The following OR2T27 variants were observed in gnomAD, a reference collection of about 807,000 sequenced individuals.
The protein encoded by OR2T27 is olfactory receptor 2T27.
For missense variants in OR2T27, 152 were observed against 397.2 expected (o/e 0.38, Z 5.25); for synonymous variants, 51 against 152.9 (o/e 0.33, Z 4.92).
chr1:248,655,307 G>C (rs1295353955), intron 1 of OR2T27, 137 bp downstream of exon 1: 5 of 137,046 alleles, frequency 3.6e-5, no homozygotes, highest in Non-Finnish European at 6.5e-5. Context: ...CCATCCACAA[G>C]TATCTGCAGT....
chr1:248,650,119 T>C lies in OR2T27; in HGVS notation c.766A>G (p.Met256Val), dbSNP rs762826484. 55 of 1,569,626 alleles carry C rather than the reference T, an allele frequency of 3.5e-5. 2 individuals carry two copies. In the Admixed American group the frequency reaches 6.9e-4, roughly 20 times the overall value. ...VVVSLFYGAA[M>V]YTYVLPHSYH... ...GAATGAGGCAGCACGTATGTGTACA[T>C]GGCAGCCCCATAGAAGAGGCTGACA... is the stretch of plus-strand genomic sequence containing the variant. Residue 256 changes from methionine to valine, a missense_variant, in exon 2 of 2, where the codon ATG becomes GTG. By Grantham distance (21) the Met-to-Val change is conservative (BLOSUM62 1). Coordinates refer to ENST00000460972, the MANE Select transcript of OR2T27 (RefSeq NM_001001824.2).
intron 1 of OR2T27, among the ~76,000 whole-genome samples, chr1:248,652,267 T>C (rs1424351801): frequency 6.6e-6 from 1 of 151,374 alleles, no homozygotes; most frequent in Non-Finnish European, 1.5e-5. Context: ...TCGTAAATTT[T>C]ACGTTTCCAA....
Position 248,649,899 on chromosome 1 carries a change from A to T in OR2T27, c.*32T>A. On this transcript the variant is annotated 3_prime_UTR_variant, in exon 2 of 2. Coordinates refer to ENST00000460972, the MANE Select transcript of OR2T27 (RefSeq NM_001001824.2). ...GCAATGATAAAGTCTTGTATCCTTCATTTCAAGTCTCTAGCAGCATATGAA... is the reference window on the plus strand; with the variant it reads ...GCAATGATAAAGTCTTGTATCCTTCTTTTCAAGTCTCTAGCAGCATATGAA... 1 of 1,391,578 alleles carries T rather than the reference A, an allele frequency of 7.2e-7. No individual in the cohort carries two copies. Among genetic ancestry groups the T allele is most frequent in the Non-Finnish European group, 9.8e-7 (1 of 1,016,774 alleles). 86.2% of individuals were successfully genotyped at this position (1,391,578 alleles called of 1,614,324 possible). A position where few individuals can be genotyped will look rare whatever the true frequency, so the allele number is the denominator to read the frequency against.
In OR2T27 at chr1:248,649,940, G is replaced by A. The variant is rs766496822; in HGVS notation, c.945C>T (p.Thr315=). ...AGCATATGAAATTTCTTTAGAAAGT[G>A]GTTACCTTTCCTGAGGACACACACC... ...VGRCVSSGKV[T]TF is the part of the protein sequence containing the mutation. Residue 315 remains threonine (T), a synonymous_variant, in exon 2 of 2, where the codon ACC becomes ACT. Coordinates refer to ENST00000460972, the MANE Select transcript of OR2T27 (RefSeq NM_001001824.2). The A allele has an allele frequency of 3.1e-5, 48 of 1,561,752 alleles. 4 individuals carry two copies. The highest frequency in any genetic ancestry group is 4.1e-5 in the Non-Finnish European group (47 of 1,140,782).
At position 248,655,243 on chromosome 1, in the gene OR2T27, A is replaced by G. The variant is rs546103008; in HGVS notation, c.-5+201T>C. ...CATTCTGATGTACAGAAAAGATAAG[A>G]GTCCATAACTACTAAGAAACGAGAT... is the stretch of plus-strand genomic sequence containing the variant. On this transcript the variant is annotated intron_variant, in intron 1 of 1. Transcript: ENST00000460972. 1.2e-4 allele frequency among the ~76,000 whole-genome samples: 15 copies of G among 120,550 alleles called. 2 individuals are homozygous for G. The highest frequency in any genetic ancestry group is 4.0e-4 in the African/African-American group (15 of 37,780). The allele number at this position is 120,550 out of a possible 152,430, so 79.1% of individuals were successfully genotyped here.
chr1:248,653,442 AATTAGC>A (rs1168386557), intron 1 of OR2T27, among the ~76,000 whole-genome samples: 1 of 141,276 alleles, frequency 7.1e-6, no homozygotes, highest in Non-Finnish European at 1.6e-5. Flanking sequence ...TATACCTAAT[AATTAGC>A]ACATCTTTCC....
rs1447503873 is a variant in OR2T27 at position 248,650,150 on chromosome 1, C to T, written c.735G>A (p.Met245Ile). Residue 245 changes from methionine to isoleucine, a missense_variant, in exon 2 of 2, where the codon ATG becomes ATA. Physicochemically the swap from Met to Ile is conservative, Grantham distance 10. Transcript: ENST00000460972. Reference sequence around the variant, plus strand: ...CCCCATAGAAGAGGCTGACAACCACCATGTGTGAGGAGCAGGTGGCCACAG... The same window carrying T: ...CCCCATAGAAGAGGCTGACAACCACTATGTGTGAGGAGCAGGTGGCCACAG... ...GKAVATCSSHMVVVSLFYGAA... is the reference protein window; with the variant it reads ...GKAVATCSSHIVVVSLFYGAA... 6 of 1,566,118 alleles carry T rather than the reference C, an allele frequency of 3.8e-6. No homozygotes were observed. Among genetic ancestry groups the T allele is most frequent in the Non-Finnish European group, 5.2e-6 (6 of 1,147,762 alleles).
chr1:248,653,728 G>T (rs1481133053), intron 1 of OR2T27, among the ~76,000 whole-genome samples: 1 of 111,214 alleles, frequency 9.0e-6, no homozygotes, highest in Non-Finnish European at 2.1e-5. Flanking sequence ...GAAAAAAATT[G>T]AACATAGTGT....
chr1:248,651,850 G>A (rs150415584), intron 1 of OR2T27, among the ~76,000 whole-genome samples: 2,926 of 39,664 alleles, frequency 0.074, 85 homozygotes, highest in African/African-American at 0.1. Flanking sequence ...CCTGAAACAC[G>A]ACTGCTCCAA....
At position 248,650,053 on chromosome 1, in the gene OR2T27, A is replaced by G; in HGVS notation, c.832T>C (p.Tyr278His). Residue 278 changes from tyrosine to histidine, a missense_variant, in exon 2 of 2, where the codon TAC becomes CAC. Physicochemically the swap from Tyr to His is moderately conservative, Grantham distance 83 (BLOSUM62 2). Transcript: ENST00000460972. Reference protein sequence around the residue: ...PEQDKAVSAFYTILTPMLNPL... With the variant: ...PEQDKAVSAFHTILTPMLNPL... ...TTGAGCATGGGAGTAAGGATGGTGT[A>G]GAAGGCAGATACAGCTTTGTCCTGC... The G allele has an allele frequency of 1.3e-6, 2 of 1,575,352 alleles. No homozygotes were observed. Among genetic ancestry groups the G allele is most frequent in the Non-Finnish European group, 1.7e-6 (2 of 1,156,100 alleles).
chr1:248,655,300 T>C (rs1008201970), intron 1 of OR2T27, 144 bp downstream of exon 1: 3 of 136,634 alleles, frequency 2.2e-5, no homozygotes, highest in African/African-American at 7.6e-5. Context: ...ATTAGTACCA[T>C]CCACAAGTAT....
chr1:248,650,278 A>G lies in OR2T27; in HGVS notation c.607T>C (p.Cys203Arg), dbSNP rs1227243798. ...SAYETAMYVC[C>R]IMMLLIPFSV... is the part of the protein sequence containing the mutation. Reference sequence around the variant, plus strand: ...AAAGGGATGAGGAGCATCATAATACAGCAGACATACATGGCTGTCTCGTAG... The same window carrying G: ...AAAGGGATGAGGAGCATCATAATACGGCAGACATACATGGCTGTCTCGTAG... The change falls in exon 2 of 2, where the codon TGT (cysteine) becomes CGT (arginine). Residue 203 changes from cysteine to arginine, a missense_variant. By Grantham distance (180) the Cys-to-Arg change is radical. Coordinates refer to ENST00000460972, the MANE Select transcript of OR2T27 (RefSeq NM_001001824.2). 3.1e-6 allele frequency: 3 copies of G among 973,436 alleles called. No homozygotes were observed. Among genetic ancestry groups the G allele is most frequent in the African/African-American group, 2.9e-5 (2 of 68,490 alleles). 60.3% of individuals were successfully genotyped at this position (973,436 alleles called of 1,614,324 possible). A position where few individuals can be genotyped will look rare whatever the true frequency, so the allele number is the denominator to read the frequency against.
rs1162727943 is a variant in OR2T27, at chr1:248,655,366, T to C, written c.-5+78A>G. On this transcript the variant is annotated intron_variant, in intron 1 of 1. Coordinates refer to ENST00000460972, the MANE Select transcript of OR2T27 (RefSeq NM_001001824.2). ...AACATTCTCCAGTATTTCTCTGGTT[T>C]GAACCAAAACTTTCTAGGAAGTCCA... 2 of 128,806 alleles carry C rather than the reference T, an allele frequency of 1.6e-5. 1 individual carries two copies. Among genetic ancestry groups the C allele is most frequent in the Non-Finnish European group, 3.4e-5 (2 of 58,118 alleles). 8.0% of individuals were successfully genotyped at this position (128,806 alleles called of 1,614,324 possible). A position where few individuals can be genotyped will look rare whatever the true frequency, so the allele number is the denominator to read the frequency against.
At chr1:248,652,286 G>A (rs1397661740) in intron 1 of OR2T27, among the ~76,000 whole-genome samples, 1 of 150,554 alleles carries the variant, frequency 6.6e-6, no homozygotes, top group Non-Finnish European at 1.5e-5. Flanking sequence ...AAACAACTTT[G>A]TAAGATACTA....
At chr1:248,652,734 A>G (rs559232685) in intron 1 of OR2T27, among the ~76,000 whole-genome samples, 18 of 101,984 alleles carry the variant, frequency 1.8e-4, no homozygotes, top group African/African-American at 5.3e-4. Context: ...GAAAACGATG[A>G]AAATTCAGAT....
Position 248,650,447 on chromosome 1 carries a change from C to T in OR2T27, c.438G>A (p.Ala146=), listed in dbSNP as rs766998180. 1.6e-5 allele frequency: 25 copies of T among 1,556,456 alleles called. No homozygotes were observed. The highest frequency in any genetic ancestry group is 1.7e-4 in the Middle Eastern group (1 of 5,820). The change falls in exon 2 of 2, where the codon GCG becomes GCA. Residue 146 remains alanine, a synonymous_variant. Transcript: ENST00000460972. ...CGATAGACCCTCCCAGCCAGGCTGCCGCCACAATCAACCAGCAGATCTTGC... is the reference window on the plus strand; with the variant it reads ...CGATAGACCCTCCCAGCCAGGCTGCTGCCACAATCAACCAGCAGATCTTGC... ...MSRKICWLIV[A]AAWLGGSIDG... is the part of the protein sequence containing the mutation.
rs751139599 is a variant in OR2T27 at position 248,650,127 on chromosome 1, C to A, written c.758G>T (p.Gly253Val). 2 of 1,567,216 alleles carry A rather than the reference C, an allele frequency of 1.3e-6. No individual in the cohort carries two copies. Among genetic ancestry groups the A allele is most frequent in the Admixed American group, 3.5e-5 (2 of 57,894 alleles). ...CAGCACGTATGTGTACATGGCAGCCCCATAGAAGAGGCTGACAACCACCAT... is the reference window on the plus strand; with the variant it reads ...CAGCACGTATGTGTACATGGCAGCCACATAGAAGAGGCTGACAACCACCAT... ...SHMVVVSLFY[G>V]AAMYTYVLPH... The change falls in exon 2 of 2, where the codon GGG becomes GTG. Residue 253 changes from glycine (G) to valine (V), a missense_variant. Transcript: ENST00000460972.
chr1:248,652,497 AC>A (rs1661042303), intron 1 of OR2T27, among the ~76,000 whole-genome samples: 1 of 32,954 alleles, frequency 3.0e-5, no homozygotes, highest in African/African-American at 3.6e-5. Context: ...AGAATGTAAG[AC>A]ATCATCTGTC....
chr1:248,649,840 C>T lies in OR2T27; in HGVS notation c.*91G>A. On this transcript the variant is annotated 3_prime_UTR_variant, in exon 2 of 2. Coordinates refer to ENST00000460972, the MANE Select transcript of OR2T27 (RefSeq NM_001001824.2). The stretch of plus-strand genomic sequence containing the variant: ...CCCACAGTTGGTGGCATGTGGGTCA[C>T]TTGTTTCCAGGCAGAGAATATTTAA... 2.2e-6 allele frequency: 2 copies of T among 922,052 alleles called. No individual in the cohort carries two copies. The highest frequency in any genetic ancestry group is 3.4e-6 in the Non-Finnish European group (2 of 582,696). The allele number at this position is 922,052 out of a possible 1,614,324, so 57.1% of individuals were successfully genotyped here. A position where few individuals can be genotyped will look rare whatever the true frequency, so the allele number is the denominator to read the frequency against.
Sources: allele counts gnomAD v4.1 joint callset (sites outside exome capture counted in the v4.1 genomes callset), GRCh38; gene constraint gnomAD v4.1.1; transcripts MANE v1.5; gene names NCBI Gene and HGNC (gene_info 2026-07-23, HGNC 2026-07-21).